LARGE1: variants seen among roughly 807,000 people sequenced by gnomAD.
The protein encoded by LARGE1 is LARGE xylosyl- and glucuronyltransferase 1.
LARGE1 carries 43 observed loss-of-function variants against 87.6 expected under a neutral mutation model. The observed-to-expected ratio is 0.49, with a 90% CI of 0.38 to 0.63. LARGE1 has a LOEUF of 0.63. Ranked by LOEUF, LARGE1 falls within the 30% of genes least tolerant of loss-of-function variation. The pLI is 0.00. For missense variants in LARGE1, 802 were observed against 1,000.2 expected, an observed-to-expected ratio of 0.80 and a Z score of 2.67; for synonymous variants, 434 against 394.6, an observed-to-expected ratio of 1.10 and a Z score of -1.18.
the LARGE1 span, among the ~76,000 whole-genome samples, chr22:33,140,688 G>A: frequency 6.6e-6 from 1 of 152,116 alleles, no homozygotes; most frequent in East Asian, 1.9e-4. Flanking sequence ...TTGGACTCTT[G>A]GACTTACACC....
At chr22:33,435,734 C>A (rs2067246432) in intron 6 of LARGE1, among the ~76,000 whole-genome samples, 1 of 152,156 alleles carries the variant, frequency 6.6e-6, no homozygotes, top group Admixed American at 6.5e-5. Flanking sequence ...GTCACGTTAT[C>A]CCAAAGAATA....
intron 7 of LARGE1, among the ~76,000 whole-genome samples, chr22:33,426,327 G>A (rs1484136013): frequency 6.6e-6 from 1 of 152,176 alleles, no homozygotes; most frequent in Non-Finnish European, 1.5e-5. Flanking sequence ...GTATTCAGTA[G>A]CATGTAATGA....
At chr22:33,648,415 T>G (rs537075599) in intron 3 of LARGE1, among the ~76,000 whole-genome samples, 3 of 152,230 alleles carry the variant, frequency 2.0e-5, no homozygotes, top group Non-Finnish European at 4.4e-5. Context: ...TTAGGTTCTA[T>G]GTCATAATAG....
chr22:33,736,395 G>A (rs1015621329), intron 2 of LARGE1, among the ~76,000 whole-genome samples: 1 of 152,192 alleles, frequency 6.6e-6, no homozygotes, highest in Non-Finnish European at 1.5e-5. Flanking sequence ...TAATGATGCT[G>A]AGCATTTTTT....
chr22:33,154,365 C>T, the LARGE1 span, among the ~76,000 whole-genome samples: 3 of 152,056 alleles, frequency 2.0e-5, no homozygotes. Context: ...CTCAGCCTCC[C>T]AAGTACCTGA....
At chr22:33,750,651 GA>G (rs1365241320) in intron 2 of LARGE1, 5 of 151,834 alleles carry the variant, frequency 3.3e-5, no homozygotes, top group South Asian at 4.1e-4. Context: ...ACACAAAGGA[GA>G]ATATTATCTA....
chr22:33,827,761 C>T (rs530596417), intron 1 of LARGE1, among the ~76,000 whole-genome samples: 5 of 152,288 alleles, frequency 3.3e-5, no homozygotes, highest in African/African-American at 7.2e-5. Flanking sequence ...TCTACTTCAG[C>T]GGTTCCCAAA....
At chr22:33,879,972 T>C (rs989842137) in intron 1 of LARGE1, among the ~76,000 whole-genome samples, 1 of 152,224 alleles carries the variant, frequency 6.6e-6, no homozygotes, top group South Asian at 2.1e-4. Context: ...CCTGCTTCAC[T>C]CTTCTGAATT....
At chr22:33,887,902 G>A (rs1047279969) in intron 1 of LARGE1, among the ~76,000 whole-genome samples, 8 of 152,216 alleles carry the variant, frequency 5.3e-5, no homozygotes, top group African/African-American at 1.7e-4. Context: ...ACAAGTTTCA[G>A]TGAACGTCAC....
chr22:33,757,395 A>G (rs1164284803), intron 2 of LARGE1, among the ~76,000 whole-genome samples: 1 of 152,176 alleles, frequency 6.6e-6, no homozygotes, highest in Non-Finnish European at 1.5e-5. Flanking sequence ...TGTAGGTAGA[A>G]TGTCGGCACC....
chr22:33,888,808 G>C (rs554131060), intron 1 of LARGE1, among the ~76,000 whole-genome samples: 3 of 151,982 alleles, frequency 2.0e-5, no homozygotes, highest in Non-Finnish European at 4.4e-5. Context: ...AGAGAGCCAA[G>C]ATCACAGCAC....
At chr22:33,357,742 C>T (rs566511645) in intron 9 of LARGE1, among the ~76,000 whole-genome samples, 4 of 151,806 alleles carry the variant, frequency 2.6e-5, no homozygotes, top group South Asian at 2.1e-4. Flanking sequence ...TGAGGGGGGC[C>T]GAGATTGCAC....
chr22:33,459,618 C>T (rs1233522688), intron 6 of LARGE1, among the ~76,000 whole-genome samples: 1 of 151,898 alleles, frequency 6.6e-6, no homozygotes, highest in Non-Finnish European at 1.5e-5. Context: ...CAATAGCACC[C>T]AAGAACAATG....
chr22:33,198,270 G>C (rs180705223), intron 11 of LARGE1, among the ~76,000 whole-genome samples: 6 of 152,214 alleles, frequency 3.9e-5, no homozygotes, highest in Admixed American at 2.0e-4. Flanking sequence ...TTTGCTCTTT[G>C]AAAGACATCT....
intron 11 of LARGE1, among the ~76,000 whole-genome samples, chr22:33,237,207 T>C (rs1340001918): frequency 1.3e-5 from 2 of 152,204 alleles, no homozygotes; most frequent in African/African-American, 4.8e-5. Flanking sequence ...GTCCAGACAA[T>C]TTATTAGCAA....
At chr22:33,594,542 C>CCTCTG (rs1307136180) in intron 5 of LARGE1, among the ~76,000 whole-genome samples, 1 of 152,182 alleles carries the variant, frequency 6.6e-6, no homozygotes, top group Non-Finnish European at 1.5e-5. Context: ...TTGTCAAACA[C>CCTCTG]CTCTGGTCTT....
intron 9 of LARGE1, among the ~76,000 whole-genome samples, chr22:33,351,090 C>A (rs1940329298): frequency 6.6e-6 from 1 of 152,332 alleles, no homozygotes; most frequent in East Asian, 1.9e-4. Context: ...CTGTATTCTG[C>A]ACTAGAATGT....
chr22:33,204,093 T>C (rs1924566235), intron 11 of LARGE1, among the ~76,000 whole-genome samples: 1 of 152,006 alleles, frequency 6.6e-6, no homozygotes, highest in Non-Finnish European at 1.5e-5. Flanking sequence ...AAATAAATGG[T>C]ATGCATATAA....
chr22:33,255,268 A>G (rs1002316693), intron 11 of LARGE1, among the ~76,000 whole-genome samples: 1 of 152,186 alleles, frequency 6.6e-6, no homozygotes, highest in Non-Finnish European at 1.5e-5. Context: ...TAGTTGAGTC[A>G]TTGGTATTTT....
Sources: allele counts gnomAD v4.1 joint callset (sites outside exome capture counted in the v4.1 genomes callset), GRCh38; gene constraint gnomAD v4.1.1; transcripts MANE v1.5; gene names NCBI Gene and HGNC (gene_info 2026-07-23, HGNC 2026-07-21).